Variants in USP49 observed in about 807,000 individuals in gnomAD.
USP49 encodes ubiquitin carboxyl-terminal hydrolase 49.
In USP49, 24 loss-of-function variants were observed where a neutral mutation model predicts 58.6. That is an observed-to-expected ratio of 0.41 (90% CI 0.30 to 0.58). The LOEUF is 0.58. Among genes scored for constraint, USP49 ranks in the 20% least tolerant of loss-of-function variants. The pLI is 0.30. For synonymous variants in USP49, 408 were observed against 365.1 expected (o/e 1.12, Z -1.34); for missense variants, 703 against 866.1 (o/e 0.81, Z 2.36).
intron 3 of USP49, among the ~76,000 whole-genome samples, chr6:41,837,473 T>A (rs113515013): frequency 3.9e-5 from 6 of 152,144 alleles, no homozygotes; most frequent in African/African-American, 1.4e-4. Flanking sequence ...GGTTAAAGAC[T>A]TAAAAGTAAA....
intron 3 of USP49, among the ~76,000 whole-genome samples, chr6:41,853,532 TTA>T (rs1440722259): frequency 1.1e-4 from 16 of 152,218 alleles, no homozygotes; most frequent in Non-Finnish European, 2.2e-4. Flanking sequence ...ATGTTAAATT[TTA>T]TGTTTTTTTA....
At chr6:41,843,647 C>A (rs541457221) in intron 3 of USP49, among the ~76,000 whole-genome samples, 4 of 152,242 alleles carry the variant, frequency 2.6e-5, no homozygotes, top group African/African-American at 9.6e-5. Context: ...GTGGCTCACA[C>A]CTGTAATCCT....
chr6:41,805,598 C>T (rs781112751), intron 4 of USP49, 30 bp downstream of exon 4: 1 of 1,586,668 alleles, frequency 6.3e-7, no homozygotes, highest in Non-Finnish European at 8.6e-7. Flanking sequence ...ACATACAAGC[C>T]TCTCATTGTC....
intron 3 of USP49, among the ~76,000 whole-genome samples, chr6:41,816,708 T>TTATTAC (rs1023360918): frequency 6.6e-6 from 1 of 151,404 alleles, no homozygotes; most frequent in African/African-American, 2.4e-5. Flanking sequence ...CACTCTATTA[T>TTATTAC]TATTATTATT....
chr6:41,814,357 TAAATG>T (rs1773312168), intron 3 of USP49, among the ~76,000 whole-genome samples: 1 of 152,344 alleles, frequency 6.6e-6, no homozygotes, highest in South Asian at 2.1e-4. Context: ...CACTAAGTAT[TAAATG>T]AAAAGATAAT....
At chr6:41,859,268 C>G (rs1774179602) in intron 3 of USP49, among the ~76,000 whole-genome samples, 1 of 152,160 alleles carries the variant, frequency 6.6e-6, no homozygotes, top group Non-Finnish European at 1.5e-5. Context: ...ATTTTAAGTT[C>G]CCCAAAGGAA....
At chr6:41,808,752 C>A (rs1269102767) in intron 3 of USP49, among the ~76,000 whole-genome samples, 4 of 151,982 alleles carry the variant, frequency 2.6e-5, no homozygotes, top group African/African-American at 9.7e-5. Context: ...ATCTTTGGAA[C>A]TTTGAAAGGC....
In USP49 at chr6:41,798,841, T is replaced by C; in HGVS notation, c.1759A>G (p.Met587Val). 1.2e-6 allele frequency: 2 copies of C among 1,613,808 alleles called. No homozygotes were observed. The highest frequency in any genetic ancestry group is 1.3e-5 in the African/African-American group (1 of 74,928). The change falls in exon 7 of 8, where the codon ATG (methionine) becomes GTG (valine). Residue 587 changes from methionine to valine, a missense_variant. Met to Val is a conservative substitution (Grantham distance 21). Coordinates refer to ENST00000682992, the MANE Select transcript of USP49 (RefSeq NM_001286554.2). ...GTCTCTTTGTCAAGAGAGGAGAGCA[T>C]GTCCCTGCAGCAGTAAGGTTCCATG... ...LTMEPYCCRD[M>V]LSSLDKETFA... is the part of the protein sequence containing the mutation.
intron 3 of USP49, among the ~76,000 whole-genome samples, chr6:41,825,570 A>G (rs1773524614): frequency 6.6e-6 from 1 of 152,220 alleles, no homozygotes; most frequent in Non-Finnish European, 1.5e-5. Flanking sequence ...TTATTATATC[A>G]GTGAGGTATA....
At position 41,796,375 on chromosome 6, in the gene USP49, T is replaced by C. The variant is rs2127315454; in HGVS notation, c.*158A>G. On this transcript the variant is annotated 3_prime_UTR_variant, in exon 8 of 8. Coordinates refer to ENST00000682992, the MANE Select transcript of USP49 (RefSeq NM_001286554.2). ...AAACTCATTCAAAAGAAAGAGACTATAAAATTTACGACAGGACACGAATCA... is the reference window on the plus strand; with the variant it reads ...AAACTCATTCAAAAGAAAGAGACTACAAAATTTACGACAGGACACGAATCA... 2 of 537,034 alleles carry C rather than the reference T, an allele frequency of 3.7e-6. No individual in the cohort carries two copies. The highest frequency in any genetic ancestry group is 2.8e-5 in the East Asian group (1 of 35,612). 33.3% of individuals were successfully genotyped at this position (537,034 alleles called of 1,614,324 possible). A position where few individuals can be genotyped will look rare whatever the true frequency, so the allele number is the denominator to read the frequency against.
chr6:41,811,614 A>G (rs972461794), intron 3 of USP49, among the ~76,000 whole-genome samples: 1 of 152,186 alleles, frequency 6.6e-6, no homozygotes, highest in African/African-American at 2.4e-5. Context: ...CCCCCTTATA[A>G]TGCCAAGACT....
At chr6:41,810,329 A>AT (rs1491168116) in intron 3 of USP49, among the ~76,000 whole-genome samples, 1 of 143,962 alleles carries the variant, frequency 6.9e-6, no homozygotes, top group African/African-American at 2.7e-5. Context: ...AAAAAAAAAA[A>AT]CACAAAAAAA....
At chr6:41,805,481 A>G (rs1773095524) in intron 4 of USP49, 147 bp downstream of exon 4, 1 of 834,542 alleles carries the variant, frequency 1.2e-6, no homozygotes, top group Non-Finnish European at 1.8e-6. Context: ...TGTACAGCAG[A>G]ATGAAAGGTA....
intron 3 of USP49, among the ~76,000 whole-genome samples, chr6:41,817,167 T>TTTTTTTTTTTTTTTTTTTTTTTTTTCG (rs60908132): frequency 7.4e-6 from 1 of 135,538 alleles, no homozygotes; most frequent in Admixed American, 7.3e-5. Context: ...TTTTTTTTTT[T>TTTTTTTTTTTTTTTTTTTTTTTTTTCG]GAGACAGAGT....
intron 3 of USP49, among the ~76,000 whole-genome samples, chr6:41,828,294 A>T (rs1484789935): frequency 6.6e-6 from 1 of 152,024 alleles, no homozygotes; most frequent in Admixed American, 6.6e-5. Context: ...AATACAAAAA[A>T]AAAAATTAGC....
intron 3 of USP49, among the ~76,000 whole-genome samples, chr6:41,813,819 T>G (rs1311139688): frequency 6.6e-6 from 1 of 152,120 alleles, no homozygotes; most frequent in African/African-American, 2.4e-5. Context: ...ACACAAAAGA[T>G]AAAAGTCACC....
intron 4 of USP49, among the ~76,000 whole-genome samples, chr6:41,804,806 T>A (rs1479403457): frequency 6.6e-6 from 1 of 152,160 alleles, no homozygotes; most frequent in Non-Finnish European, 1.5e-5. Flanking sequence ...GTAGTGCCAA[T>A]GGCACAATCT....
rs1773103881 is a variant in USP49 at position 41,805,761 on chromosome 6, A to G, written c.1223T>C (p.Leu408Pro). 6.2e-7 allele frequency: 1 copy of G among 1,614,108 alleles called. No homozygotes were observed. The highest frequency in any genetic ancestry group is 8.5e-7 in the Non-Finnish European group (1 of 1,180,010). ...CTCGAGTTCCTGCTGCACCTTGTGC[A>G]GCAGCTCGCAGAGAAATTCCTGCGC... ...QDAQEFLCEL[L>P]HKVQQELESE... Residue 408 changes from leucine (L) to proline (P), a missense_variant, in exon 4 of 8, where the codon CTG becomes CCG. Physicochemically the swap from Leu to Pro is moderately conservative, Grantham distance 98. Coordinates refer to ENST00000682992, the MANE Select transcript of USP49 (RefSeq NM_001286554.2).
intron 3 of USP49, among the ~76,000 whole-genome samples, chr6:41,826,794 G>A (rs897883276): frequency 6.6e-6 from 1 of 151,894 alleles, no homozygotes; most frequent in Non-Finnish European, 1.5e-5. Context: ...TATGACTGTG[G>A]AGGACTGCCA....
Sources: allele counts gnomAD v4.1 joint callset (sites outside exome capture counted in the v4.1 genomes callset), GRCh38; gene constraint gnomAD v4.1.1; transcripts MANE v1.5; gene names NCBI Gene and HGNC (gene_info 2026-07-23, HGNC 2026-07-21).